Variants in QTRT2 observed in about 807,000 individuals in gnomAD.
QTRT2 encodes queuine tRNA-ribosyltransferase domain containing 1.
Under a neutral mutation model 44.8 loss-of-function variants are expected in QTRT2, and 32 were observed. The ratio of observed to expected loss-of-function variants is 0.71; its 90% CI spans 0.54 to 0.96. The LOEUF (loss-of-function observed/expected upper bound fraction) is 0.96, where lower values mean the gene tolerates loss of function less well. Among genes scored for constraint, QTRT2 ranks in the 40% least tolerant of loss-of-function variants. The pLI, the probability that QTRT2 is intolerant of heterozygous loss-of-function variation, is 0.00. For missense variants in QTRT2, 461 were observed against 503.1 expected, an observed-to-expected ratio of 0.92 and a Z score of 0.80; for synonymous variants, 182 against 187.4, an observed-to-expected ratio of 0.97 and a Z score of 0.24.
intron 8 of QTRT2, among the ~76,000 whole-genome samples, chr3:114,082,106 A>T (rs1244486960): frequency 6.6e-6 from 1 of 152,092 alleles, no homozygotes; most frequent in African/African-American, 2.4e-5. Context: ...GAATACATAC[A>T]TTAAAACCAT....
intron 8 of QTRT2, among the ~76,000 whole-genome samples, chr3:114,081,813 C>T (rs2077168764): frequency 6.6e-6 from 1 of 152,186 alleles, no homozygotes; most frequent in Non-Finnish European, 1.5e-5. Context: ...GTGCCCAGTG[C>T]TCAGGTTGCT....
At chr3:114,076,587 G>A (rs1241967732) in intron 6 of QTRT2, among the ~76,000 whole-genome samples, 156 bp from the exon 7 acceptor site, 2 of 152,210 alleles carry the variant, frequency 1.3e-5, no homozygotes, top group African/African-American at 4.8e-5. Flanking sequence ...GAGCCTTAAA[G>A]GTTCTTAGGG....
chr3:114,058,557 G>T (rs1181063430), intron 2 of QTRT2, among the ~76,000 whole-genome samples: 2 of 151,948 alleles, frequency 1.3e-5, no homozygotes, highest in East Asian at 3.8e-4. Flanking sequence ...TTTTGAGACG[G>T]CATCTTGCTT....
At chr3:114,062,153 C>T (rs926122882) in intron 2 of QTRT2, among the ~76,000 whole-genome samples, 2 of 151,874 alleles carry the variant, frequency 1.3e-5, no homozygotes, top group Non-Finnish European at 2.9e-5. Flanking sequence ...ATCACTTGAG[C>T]GCAGGAGTTT....
Position 114,085,883 on chromosome 3 carries a change from C to T in QTRT2, c.1227C>T (p.Leu409=), listed in dbSNP as rs1250909892. The change falls in exon 10 of 10, where the codon CTC becomes CTT. Residue 409 remains leucine (L), a synonymous_variant. Coordinates refer to ENST00000281273, the MANE Select transcript of QTRT2 (RefSeq NM_024638.4). ...KSDKLAQLKE[L]IHRQAS ...ACAAACTGGCACAGTTGAAAGAGCTCATCCACAGGCAAGCATCTTGAGATC... is the reference window on the plus strand; with the variant it reads ...ACAAACTGGCACAGTTGAAAGAGCTTATCCACAGGCAAGCATCTTGAGATC... 3 of 1,613,938 alleles carry T rather than the reference C, an allele frequency of 1.9e-6. No homozygotes were observed. The highest frequency in any genetic ancestry group is 3.3e-5 in the Admixed American group (2 of 60,024).
At chr3:114,077,556 C>T (rs970614163) in intron 7 of QTRT2, 6 of 152,662 alleles carry the variant, frequency 3.9e-5, no homozygotes, top group Admixed American at 1.3e-4. Context: ...CAGCTGATAT[C>T]GTATTAGGCT....
intron 2 of QTRT2, among the ~76,000 whole-genome samples, chr3:114,060,471 G>GGT (rs2076865639): frequency 1.4e-5 from 2 of 140,292 alleles, no homozygotes; most frequent in Admixed American, 7.3e-5. Context: ...ACCCCAGATA[G>GGT]ATAGGTAGGT....
chr3:114,060,821 G>A (rs62267092), intron 2 of QTRT2, among the ~76,000 whole-genome samples: 17,176 of 152,078 alleles, frequency 0.11, 1,176 homozygotes, highest in Admixed American at 0.19. Context: ...GGGGCCAGTC[G>A]TAAGTAAAAT....
intron 5 of QTRT2, 99 bp from the exon 6 acceptor site, chr3:114,070,527 T>C: frequency 1.0e-6 from 1 of 980,920 alleles, no homozygotes; most frequent in Non-Finnish European, 1.6e-6. Flanking sequence ...TCACCATCTC[T>C]GCAGTTGTAA....
Position 114,088,074 on chromosome 3 carries a change from A to T in QTRT2, c.*2170A>T, listed in dbSNP as rs373303306. ...ACTTATGGAAAACAGTTTTCCAAAGATCTGATTGTTTTGAAATGTGTTAGA... is the reference window on the plus strand; with the variant it reads ...ACTTATGGAAAACAGTTTTCCAAAGTTCTGATTGTTTTGAAATGTGTTAGA... On this transcript the variant is annotated 3_prime_UTR_variant, in exon 10 of 10. Transcript: ENST00000281273. 3.9e-5 allele frequency: 6 copies of T among 152,290 alleles called. No homozygotes were observed. In the South Asian group the frequency reaches 1.0e-3, roughly 26 times the overall value. The allele number at this position is 152,290 out of a possible 1,614,324, so 9.4% of individuals were successfully genotyped here.
chr3:114,076,952 C>T lies in QTRT2; in HGVS notation c.746+10C>T, dbSNP rs766766439. ...CGGAGGACAAGCCAAGGCCAGTGTT[C>T]GGTTAGGACACAGGCTGGCCTCAAG... is the stretch of plus-strand genomic sequence containing the variant. On this transcript the variant is annotated intron_variant, in intron 7 of 9. Transcript: ENST00000281273. The T allele has an allele frequency of 1.2e-5, 19 of 1,613,124 alleles. No homozygotes were observed. Among genetic ancestry groups the T allele is most frequent in the Middle Eastern group, 1.7e-4 (1 of 5,980 alleles).
chr3:114,059,920 G>T (rs544927954), intron 2 of QTRT2, among the ~76,000 whole-genome samples: 2 of 152,296 alleles, frequency 1.3e-5, no homozygotes, highest in South Asian at 2.1e-4. Context: ...GGCTGAGTGG[G>T]TTCAGTATTC....
chr3:114,079,644 A>C (rs573513069), intron 7 of QTRT2: 3 of 291,206 alleles, frequency 1.0e-5, no homozygotes, highest in Admixed American at 4.8e-5. Context: ...TTAGATAACT[A>C]AAACTCAGAG....
At chr3:114,064,139 C>G (rs576193270) in intron 2 of QTRT2, among the ~76,000 whole-genome samples, 1 of 151,968 alleles carries the variant, frequency 6.6e-6, no homozygotes, top group South Asian at 2.1e-4. Flanking sequence ...CTCTTGAACC[C>G]GAGAAGCAGA....
intron 6 of QTRT2, 72 bp from the exon 7 acceptor site, chr3:114,076,670 TC>T: frequency 2.8e-6 from 4 of 1,431,446 alleles, no homozygotes; most frequent in Non-Finnish European, 3.9e-6. Context: ...ACATTGGACT[TC>T]CATGTAAGGT....
At position 114,085,986 on chromosome 3, in the gene QTRT2, C is replaced by T. The variant is rs745494525; in HGVS notation, c.*82C>T. 15 of 1,083,760 alleles carry T rather than the reference C, an allele frequency of 1.4e-5. No homozygotes were observed. The highest frequency in any genetic ancestry group is 2.0e-5 in the Non-Finnish European group (14 of 709,460). 67.1% of individuals were successfully genotyped at this position (1,083,760 alleles called of 1,614,324 possible). On this transcript the variant is annotated 3_prime_UTR_variant, in exon 10 of 10. Transcript: ENST00000281273. ...TGGGAAGACGTGAAGAAGAAATAAT[C>T]TGAGCTTTAATTATTTATATTTGGA...
At chr3:114,059,589 T>G (rs2107782253) in intron 2 of QTRT2, among the ~76,000 whole-genome samples, 1 of 151,606 alleles carries the variant, frequency 6.6e-6, no homozygotes, top group South Asian at 2.1e-4. Context: ...ACTTGGTTCT[T>G]CTAGCTCTGG....
intron 2 of QTRT2, among the ~76,000 whole-genome samples, chr3:114,060,582 C>T (rs2076872905): frequency 6.6e-6 from 1 of 151,864 alleles, no homozygotes; most frequent in East Asian, 1.9e-4. Flanking sequence ...TAGATCCAAA[C>T]CCTAAATAGA....
rs372913629 is a variant in QTRT2, at chr3:114,081,856, C to G, written c.899-821C>G. The stretch of plus-strand genomic sequence containing the variant: ...TACCTTTGACCTTGATAAAATTACC[C>G]TCTTAAGACCACCTGTCTTTCTCCT... On this transcript the variant is annotated intron_variant, in intron 8 of 9. Transcript: ENST00000281273. Among the ~76,000 whole-genome samples, 357 of 152,298 alleles carry G rather than the reference C, an allele frequency of 2.3e-3. 2 individuals carry two copies. The highest frequency in any genetic ancestry group is 7.9e-3 in the African/African-American group (328 of 41,552).
Sources: gnomAD v4.1 joint callset for allele counts (sites outside exome capture counted in the v4.1 genomes callset) on GRCh38, gnomAD v4.1.1 for gene constraint, MANE v1.5 for transcripts, NCBI Gene and HGNC (gene_info 2026-07-23, HGNC 2026-07-21) for gene names.